USP15: variants seen among roughly 807,000 people sequenced by gnomAD.
USP15 encodes ubiquitin carboxyl-terminal hydrolase 15.
USP15 carries 18 observed loss-of-function variants against 127.1 expected under a neutral mutation model. The ratio of observed to expected loss-of-function variants is 0.14; its 90% CI spans 0.10 to 0.21. USP15 has a LOEUF of 0.21. USP15 is among the 10% of genes least tolerant of loss of function. The pLI, the probability that USP15 is intolerant of heterozygous loss-of-function variation, is 1.00. For synonymous variants in USP15, 364 were observed against 393.7 expected, an observed-to-expected ratio of 0.92 and a Z score of 0.89; for missense variants, 805 against 1,159.9, an observed-to-expected ratio of 0.69 and a Z score of 4.44.
At chr12:62,378,912 T>C (rs2066909088) in intron 8 of USP15, among the ~76,000 whole-genome samples, 1 of 152,226 alleles carries the variant, frequency 6.6e-6, no homozygotes, top group African/African-American at 2.4e-5. Context: ...CAAAAATATT[T>C]TTAGTAAGCA....
chr12:62,380,027 C>T (rs1011428467), intron 8 of USP15, among the ~76,000 whole-genome samples: 18 of 152,122 alleles, frequency 1.2e-4, no homozygotes, highest in Middle Eastern at 6.8e-3. Context: ...TTCTCCTGCT[C>T]ACATATATTA....
intron 20 of USP15, among the ~76,000 whole-genome samples, chr12:62,399,944 GGTAACTTAATA>G (rs1198538676): frequency 6.6e-6 from 1 of 152,062 alleles, no homozygotes; most frequent in Non-Finnish European, 1.5e-5. Flanking sequence ...CATCCAAACA[GGTAACTTAATA>G]GAAAGAGAAT....
intron 6 of USP15, among the ~76,000 whole-genome samples, chr12:62,342,555 G>C (rs1217016560): frequency 6.6e-6 from 1 of 152,096 alleles, no homozygotes; most frequent in African/African-American, 2.4e-5. Context: ...TCTACCTTTG[G>C]TCTTTGAGGC....
At chr12:62,262,691 G>A (rs2063102903) in intron 1 of USP15, among the ~76,000 whole-genome samples, 1 of 151,960 alleles carries the variant, frequency 6.6e-6, no homozygotes, top group Non-Finnish European at 1.5e-5. Context: ...AGCTGTATAG[G>A]TACAGTGTCT....
At chr12:62,381,978 A>G (rs1248587415) in intron 9 of USP15, among the ~76,000 whole-genome samples, 3 of 152,068 alleles carry the variant, frequency 2.0e-5, no homozygotes, top group Non-Finnish European at 4.4e-5. Context: ...GAGCGTTTGT[A>G]TAGTTGTTTT....
intron 2 of USP15, among the ~76,000 whole-genome samples, chr12:62,296,557 A>G (rs1186591153): frequency 6.6e-6 from 1 of 152,206 alleles, no homozygotes; most frequent in East Asian, 1.9e-4. Flanking sequence ...TAATGGCATA[A>G]CTTGAAAATA....
At chr12:62,363,901 G>A (rs2066394476) in intron 8 of USP15, among the ~76,000 whole-genome samples, 2 of 152,172 alleles carry the variant, frequency 1.3e-5, no homozygotes, top group African/African-American at 4.8e-5. Flanking sequence ...TTCCAGAGTA[G>A]TAGGAAGAAG....
chr12:62,285,618 C>T (rs1334460258), intron 1 of USP15, among the ~76,000 whole-genome samples: 2 of 152,004 alleles, frequency 1.3e-5, no homozygotes, highest in African/African-American at 2.4e-5. Flanking sequence ...TTTTTTATGG[C>T]TGAGTAGTAT....
At chr12:62,282,211 C>G (rs1258721784) in intron 1 of USP15, among the ~76,000 whole-genome samples, 2 of 151,928 alleles carry the variant, frequency 1.3e-5, no homozygotes, top group African/African-American at 4.8e-5. Context: ...GCCTGTAGTC[C>G]CAGCTACTCA....
chr12:62,321,064 T>C (rs1403964715), intron 4 of USP15, among the ~76,000 whole-genome samples: 1 of 152,150 alleles, frequency 6.6e-6, no homozygotes, highest in Non-Finnish European at 1.5e-5. Context: ...TATGTGGTAC[T>C]TAAAAAATTT....
chr12:62,320,473 C>G (rs1443925679), intron 4 of USP15, among the ~76,000 whole-genome samples: 4 of 151,988 alleles, frequency 2.6e-5, no homozygotes, highest in Admixed American at 2.0e-4. Context: ...AGGTAGTTCT[C>G]TATAGCAGTG....
chr12:62,320,742 ATAT>A (rs1257622853), intron 4 of USP15, among the ~76,000 whole-genome samples: 2 of 152,092 alleles, frequency 1.3e-5, no homozygotes, highest in African/African-American at 4.8e-5. Flanking sequence ...CGGAGAACGT[ATAT>A]TATTAAGTTT....
At position 62,411,619 on chromosome 12, in the gene USP15, G is replaced by A. The variant is rs573571990; in HGVS notation, c.*7244G>A. The A allele has an allele frequency of 1.2e-4, 19 of 152,268 alleles. No homozygotes were observed. Among genetic ancestry groups the A allele is most frequent in the African/African-American group, 4.3e-4 (18 of 41,536 alleles). The allele number at this position is 152,268 out of a possible 1,614,324, so 9.4% of individuals were successfully genotyped here. A position where few individuals can be genotyped will look rare whatever the true frequency, so the allele number is the denominator to read the frequency against. On this transcript the variant is annotated 3_prime_UTR_variant, in exon 22 of 22. Coordinates refer to ENST00000280377, the MANE Select transcript of USP15 (RefSeq NM_001252078.2). ...AAAGACAATAATCCAGACTCCAGAG[G>A]TTATGGCTTTTATGTGTTTGGATAC...
At chr12:62,326,373 G>A (rs1478012184) in intron 6 of USP15, among the ~76,000 whole-genome samples, 1 of 152,070 alleles carries the variant, frequency 6.6e-6, no homozygotes, top group African/African-American at 2.4e-5. Context: ...AGGTATTTTT[G>A]AGGGTAAATG....
intron 6 of USP15, among the ~76,000 whole-genome samples, chr12:62,343,247 G>T (rs1021336924): frequency 6.6e-6 from 1 of 152,154 alleles, no homozygotes; most frequent in Admixed American, 6.5e-5. Flanking sequence ...CTCAGTAATG[G>T]CAGATGCCCC....
intron 4 of USP15, among the ~76,000 whole-genome samples, chr12:62,318,782 C>T (rs1185972502): frequency 6.6e-6 from 1 of 152,158 alleles, no homozygotes; most frequent in Non-Finnish European, 1.5e-5. Flanking sequence ...GTCATTCTTC[C>T]TTATCTCCAT....
At chr12:62,319,311 T>A (rs1015351857) in intron 4 of USP15, among the ~76,000 whole-genome samples, 2 of 152,150 alleles carry the variant, frequency 1.3e-5, no homozygotes, top group Non-Finnish European at 2.9e-5. Flanking sequence ...ACCAGGTGCC[T>A]CCTCAAACAC....
intron 1 of USP15, among the ~76,000 whole-genome samples, chr12:62,286,616 G>A (rs1380764840): frequency 6.6e-6 from 1 of 152,150 alleles, no homozygotes; most frequent in Non-Finnish European, 1.5e-5. Context: ...CAACCCAGGT[G>A]CCCATCATTG....
intron 21 of USP15, among the ~76,000 whole-genome samples, chr12:62,401,874 A>ATG (rs1565919484): frequency 7.5e-6 from 1 of 133,634 alleles, no homozygotes; most frequent in Non-Finnish European, 1.6e-5. Flanking sequence ...GTGTGTGTGT[A>ATG]TATGTATATA....
Sources: gnomAD v4.1 joint callset for allele counts (sites outside exome capture counted in the v4.1 genomes callset) on GRCh38, gnomAD v4.1.1 for gene constraint, MANE v1.5 for transcripts, NCBI Gene and HGNC (gene_info 2026-07-23, HGNC 2026-07-21) for gene names.